ARID5B: variants seen among roughly 807,000 people sequenced by gnomAD.
The protein encoded by ARID5B is AT-rich interactive domain-containing protein 5B.
A neutral mutation model predicts 97.2 loss-of-function variants in ARID5B; 13 were observed. The observed-to-expected ratio is 0.13, with a 90% confidence interval of 0.09 to 0.21. The LOEUF is 0.21. Among genes scored for constraint, ARID5B ranks in the 10% least tolerant of loss-of-function variants. ARID5B has a pLI of 1.00. For missense variants in ARID5B, 1,210 were observed against 1,465.3 expected, an observed-to-expected ratio of 0.83 and a Z score of 2.84; for synonymous variants, 556 against 570.3, an observed-to-expected ratio of 0.97 and a Z score of 0.36.
At chr10:62,033,324 GCA>G (rs1347334549) in intron 4 of ARID5B, among the ~76,000 whole-genome samples, 1 of 152,162 alleles carries the variant, frequency 6.6e-6, no homozygotes, top group African/African-American at 2.4e-5. Context: ...TCCTGTTGAG[GCA>G]CACTTTACTT....
At chr10:61,952,750 C>G (rs1224568249) in intron 3 of ARID5B, among the ~76,000 whole-genome samples, 1 of 152,152 alleles carries the variant, frequency 6.6e-6, no homozygotes, top group Non-Finnish European at 1.5e-5. Flanking sequence ...TAGTAGTCAT[C>G]TATTCATCAC....
chr10:62,024,502 A>G (rs1377620471), intron 4 of ARID5B, among the ~76,000 whole-genome samples: 4 of 152,172 alleles, frequency 2.6e-5, no homozygotes, highest in African/African-American at 4.8e-5. Context: ...ATAAGGGCAA[A>G]CCATTCATCA....
chr10:61,987,314 A>G (rs1366537201), intron 3 of ARID5B, among the ~76,000 whole-genome samples: 1 of 152,184 alleles, frequency 6.6e-6, no homozygotes, highest in Non-Finnish European at 1.5e-5. Context: ...CAGAAAAAGA[A>G]CCAACATTAA....
chr10:61,987,563 G>T (rs980672627), intron 3 of ARID5B, among the ~76,000 whole-genome samples: 1 of 152,176 alleles, frequency 6.6e-6, no homozygotes, highest in Non-Finnish European at 1.5e-5. Context: ...GGTCAGCAGA[G>T]CCAGATAGTA....
intron 9 of ARID5B, 136 bp downstream of exon 9, chr10:62,086,036 C>G (rs994630973): frequency 2.2e-6 from 2 of 896,846 alleles, no homozygotes; most frequent in Non-Finnish European, 3.4e-6. Context: ...CTAAGCTTCA[C>G]AGTTCCCCAC....
intron 4 of ARID5B, chr10:62,049,487 A>G (rs1564636647): frequency 6.4e-7 from 1 of 1,550,508 alleles, no homozygotes; most frequent in Non-Finnish European, 8.7e-7. Context: ...GGAATGGGTA[A>G]TCGCTACTTT....
In ARID5B at chr10:62,005,794, T is replaced by A. The variant is rs577956841; in HGVS notation, c.733+5473T>A. The stretch of plus-strand genomic sequence containing the variant: ...TGCCTCTTCCTTTCTGAACATCACA[T>A]GTTTTGCTGGAAATGAAAGGCAGTT... On this transcript the variant is annotated intron_variant, in intron 4 of 9. Coordinates refer to ENST00000279873, the MANE Select transcript of ARID5B (RefSeq NM_032199.3). 5.3e-5 allele frequency among the ~76,000 whole-genome samples: 8 copies of A among 152,320 alleles called. 1 individual carries two copies. The South Asian group carries it at 1.7e-3, about 32-fold the overall frequency.
intron 4 of ARID5B, 103 bp from the exon 5 acceptor site, chr10:62,050,785 C>G: frequency 1.0e-6 from 1 of 977,700 alleles, no homozygotes; most frequent in Non-Finnish European, 1.6e-6. Flanking sequence ...CTGTACATTT[C>G]TCTGAACAAT....
chr10:62,056,887 C>A (rs1839863240), intron 5 of ARID5B, among the ~76,000 whole-genome samples: 1 of 152,114 alleles, frequency 6.6e-6, no homozygotes, highest in African/African-American at 2.4e-5. Flanking sequence ...ACTGTATGAC[C>A]CAGAAGCCTA....
chr10:61,931,927 T>C (rs908302931), intron 2 of ARID5B, among the ~76,000 whole-genome samples: 1 of 152,174 alleles, frequency 6.6e-6, no homozygotes, highest in Non-Finnish European at 1.5e-5. Flanking sequence ...GTACAGCCAC[T>C]CTGGAAAACA....
chr10:62,057,011 C>A, intron 5 of ARID5B, 106 bp from the exon 6 acceptor site: 2 of 1,041,442 alleles, frequency 1.9e-6, no homozygotes, highest in Non-Finnish European at 2.8e-6. Flanking sequence ...TACCGGTTCA[C>A]CCTTAGCACT....
rs554357997 is a variant in ARID5B at position 61,971,972 on chromosome 10, A to T, written c.503-28119A>T. Among the ~76,000 whole-genome samples, 21 of 152,270 alleles carry T rather than the reference A, an allele frequency of 1.4e-4. 1 individual carries two copies. In the South Asian group the frequency reaches 4.4e-3, roughly 32 times the overall value. ...TGAGCCATCCAACGCTGAAGAACTTATATGAGGTTATTTTCTTTCTCTATG... is the reference window on the plus strand; with the variant it reads ...TGAGCCATCCAACGCTGAAGAACTTTTATGAGGTTATTTTCTTTCTCTATG... On this transcript the variant is annotated intron_variant, in intron 3 of 9. Coordinates refer to ENST00000279873, the MANE Select transcript of ARID5B (RefSeq NM_032199.3).
chr10:61,979,890 G>A (rs866840787), intron 3 of ARID5B, among the ~76,000 whole-genome samples: 22 of 152,148 alleles, frequency 1.4e-4, no homozygotes, highest in African/African-American at 4.3e-4. Context: ...TCAGGAGTTC[G>A]AGATCAGCCT....
At chr10:62,072,662 T>G (rs1589285345) in intron 8 of ARID5B, among the ~76,000 whole-genome samples, 1 of 152,326 alleles carries the variant, frequency 6.6e-6, no homozygotes, top group East Asian at 1.9e-4. Context: ...TGGTATTTCC[T>G]TTTTGCCATC....
At chr10:62,021,106 T>C (rs1361720668) in intron 4 of ARID5B, among the ~76,000 whole-genome samples, 1 of 148,826 alleles carries the variant, frequency 6.7e-6, no homozygotes, top group Non-Finnish European at 1.5e-5. Context: ...TGCTGCAGTG[T>C]GATTGTGAGA....
rs912069856 is a variant in ARID5B, at chr10:62,090,892, A to T, written c.1429A>T (p.Thr477Ser). 2.5e-6 allele frequency: 4 copies of T among 1,592,196 alleles called. No individual in the cohort carries two copies. The highest frequency in any genetic ancestry group is 1.9e-5 in the Admixed American group (1 of 52,820). ...VSSEQEKEQE[T>S]LISQKSIPEP... ...ATCAGAGCAAGAAAAAGAACAAGAG[A>T]CTTTAATAAGCCAGAAAAGCATCCC... Residue 477 changes from threonine to serine, a missense_variant, in exon 10 of 10, where the codon ACT becomes TCT. Coordinates refer to ENST00000279873, the MANE Select transcript of ARID5B (RefSeq NM_032199.3).
At chr10:62,002,271 G>C (rs895010835) in intron 4 of ARID5B, among the ~76,000 whole-genome samples, 7 of 152,182 alleles carry the variant, frequency 4.6e-5, no homozygotes, top group Non-Finnish European at 1.0e-4. Flanking sequence ...TACTAAATTA[G>C]TTTTAAATGT....
intron 4 of ARID5B, among the ~76,000 whole-genome samples, chr10:62,007,623 CCTT>C (rs1414771575): frequency 6.6e-6 from 1 of 152,084 alleles, no homozygotes; most frequent in Non-Finnish European, 1.5e-5. Flanking sequence ...GTTAACCTAC[CCTT>C]CTTGTGCCTC....
At chr10:61,985,410 AT>A (rs1342943059) in intron 3 of ARID5B, among the ~76,000 whole-genome samples, 2 of 151,998 alleles carry the variant, frequency 1.3e-5, no homozygotes, top group East Asian at 3.9e-4. Context: ...CACAGAAGGT[AT>A]TCCCTTGGTG....
Sources: allele counts gnomAD v4.1 joint callset (sites outside exome capture counted in the v4.1 genomes callset), GRCh38; gene constraint gnomAD v4.1.1; transcripts MANE v1.5; gene names NCBI Gene and HGNC (gene_info 2026-07-23, HGNC 2026-07-21).